Variants in NRXN3 observed in about 807,000 individuals in gnomAD.
NRXN3 encodes the protein neurexin III.
NRXN3 carries 32 observed loss-of-function variants against 137.6 expected under a neutral mutation model. The ratio of observed to expected loss-of-function variants is 0.23; its 90% CI spans 0.18 to 0.31. The LOEUF (loss-of-function observed/expected upper bound fraction) is 0.31, where lower values mean the gene tolerates loss of function less well. Among genes scored for constraint, NRXN3 ranks in the 10% least tolerant of loss-of-function variants. The pLI is 1.00. For missense variants in NRXN3, 1,574 were observed against 2,062.5 expected (o/e 0.76, Z 4.59); for synonymous variants, 798 against 784.5 (o/e 1.02, Z -0.29).
intron 15 of NRXN3, among the ~76,000 whole-genome samples, chr14:79,119,236 CTA>C (rs902229369): frequency 6.6e-6 from 1 of 151,986 alleles, no homozygotes; most frequent in African/African-American, 2.4e-5. Context: ...CATTATATCT[CTA>C]TGTGTTTTTG....
At chr14:79,095,136 C>T (rs2050067712) in intron 15 of NRXN3, among the ~76,000 whole-genome samples, 1 of 152,068 alleles carries the variant, frequency 6.6e-6, no homozygotes, top group Non-Finnish European at 1.5e-5. Flanking sequence ...GCTAATGTGG[C>T]TGTCCTCTGT....
intron 14 of NRXN3, among the ~76,000 whole-genome samples, chr14:78,980,188 TC>T (rs1468201955): frequency 6.6e-6 from 1 of 152,208 alleles, no homozygotes; most frequent in Non-Finnish European, 1.5e-5. Context: ...CCTCACCTGG[TC>T]CCCACTCCTG....
chr14:79,503,129 A>G (rs2096841073), intron 16 of NRXN3, among the ~76,000 whole-genome samples: 1 of 152,090 alleles, frequency 6.6e-6, no homozygotes, highest in Admixed American at 6.6e-5. Flanking sequence ...AAAATTTGAT[A>G]GTTACTTATC....
rs184296737 is a variant in NRXN3 at position 79,214,932 on chromosome 14, G to A, written c.3262+226791G>A. 1.9e-3 allele frequency among the ~76,000 whole-genome samples: 289 copies of A among 151,798 alleles called. 7 individuals carry two copies. The highest frequency in any genetic ancestry group is 0.018 in the Admixed American group (277 of 15,252). ...TCCTTCCTCCTCTTTTTCCTCTTCC[G>A]TACTTTCTCCAAATTCAGGAGGCAG... On this transcript the variant is annotated intron_variant, in intron 15 of 20. Coordinates refer to ENST00000335750, the MANE Select transcript of NRXN3 (RefSeq NM_001330195.2).
chr14:79,076,043 C>T (rs2045915780), intron 15 of NRXN3, among the ~76,000 whole-genome samples: 1 of 152,074 alleles, frequency 6.6e-6, no homozygotes, highest in Non-Finnish European at 1.5e-5. Context: ...TCAAGCACCT[C>T]GTGCAACTTT....
chr14:79,004,679 T>C (rs187751774), intron 15 of NRXN3, among the ~76,000 whole-genome samples: 3 of 152,306 alleles, frequency 2.0e-5, no homozygotes, highest in African/African-American at 7.2e-5. Context: ...CAAACTCCCT[T>C]ACAACTTCAA....
chr14:79,232,567 A>G (rs947947628), intron 15 of NRXN3, among the ~76,000 whole-genome samples: 2 of 152,120 alleles, frequency 1.3e-5, no homozygotes, highest in Non-Finnish European at 2.9e-5. Context: ...TCTTCCTACA[A>G]TTCGGTTACA....
At chr14:79,060,623 A>T (rs2099673022) in intron 15 of NRXN3, among the ~76,000 whole-genome samples, 1 of 152,226 alleles carries the variant, frequency 6.6e-6, no homozygotes, top group South Asian at 2.1e-4. Flanking sequence ...TGGTTTCAGA[A>T]TTAAAAAGAA....
At chr14:79,035,315 T>C (rs1207496288) in intron 15 of NRXN3, among the ~76,000 whole-genome samples, 1 of 152,118 alleles carries the variant, frequency 6.6e-6, no homozygotes, top group Non-Finnish European at 1.5e-5. Context: ...GTCCTTTTAA[T>C]AGGCCTCACT....
intron 4 of NRXN3, among the ~76,000 whole-genome samples, chr14:78,511,975 G>T (rs2096117275): frequency 6.6e-6 from 1 of 152,142 alleles, no homozygotes; most frequent in Admixed American, 6.5e-5. Context: ...GATAATTTTA[G>T]CAACTTCCTC....
intron 4 of NRXN3, among the ~76,000 whole-genome samples, chr14:78,494,055 T>C (rs1454818108): frequency 6.6e-6 from 1 of 152,184 alleles, no homozygotes; most frequent in Non-Finnish European, 1.5e-5. Context: ...CCCTTGGTCC[T>C]AGCCATTTTA....
At chr14:79,042,388 A>G (rs1370700917) in intron 15 of NRXN3, among the ~76,000 whole-genome samples, 2 of 152,212 alleles carry the variant, frequency 1.3e-5, no homozygotes, top group African/African-American at 4.8e-5. Context: ...TACTTAATGC[A>G]CGGTTTGCCT....
At position 79,097,472 on chromosome 14, in the gene NRXN3, A is replaced by C. The variant is rs374553796; in HGVS notation, c.3262+109331A>C. Among the ~76,000 whole-genome samples, 7 of 152,268 alleles carry C rather than the reference A, an allele frequency of 4.6e-5. 1 individual carries two copies. Among genetic ancestry groups the C allele is most frequent in the African/African-American group, 1.7e-4 (7 of 41,550 alleles). ...TCATCAGGTGCAGATTAGGAAATGA[A>C]TTTACATTAAGTTTCAAGAAAGAAT... On this transcript the variant is annotated intron_variant, in intron 15 of 20. Coordinates refer to ENST00000335750, the MANE Select transcript of NRXN3 (RefSeq NM_001330195.2).
chr14:79,334,999 G>A (rs1480137492), intron 15 of NRXN3, among the ~76,000 whole-genome samples: 2 of 152,124 alleles, frequency 1.3e-5, no homozygotes, highest in African/African-American at 4.8e-5. Context: ...TCCCAGCCTT[G>A]CCTGGCAGAC....
intron 4 of NRXN3, among the ~76,000 whole-genome samples, chr14:78,349,501 C>G (rs1208748553): frequency 2.0e-5 from 3 of 152,352 alleles, no homozygotes; most frequent in South Asian, 4.1e-4. Context: ...TCCACAATTT[C>G]TCCCACATGT....
At chr14:79,767,508 A>T (rs1345022750) in intron 19 of NRXN3, among the ~76,000 whole-genome samples, 4 of 152,182 alleles carry the variant, frequency 2.6e-5, no homozygotes, top group Admixed American at 2.0e-4. Flanking sequence ...TCAGTGACAC[A>T]TTTGTGTAAT....
At chr14:78,725,137 C>G (rs1260677687) in intron 8 of NRXN3, among the ~76,000 whole-genome samples, 1 of 152,210 alleles carries the variant, frequency 6.6e-6, no homozygotes, top group African/African-American at 2.4e-5. Flanking sequence ...CATGTTCCCC[C>G]TCTTTGTTTC....
At chr14:79,680,364 G>A (rs1229379963) in intron 17 of NRXN3, among the ~76,000 whole-genome samples, 6 of 152,132 alleles carry the variant, frequency 3.9e-5, no homozygotes, top group East Asian at 1.9e-4. Context: ...CAGCCTGGGC[G>A]ATGAGAGTGA....
chr14:78,425,941 C>T (rs1402559667), intron 4 of NRXN3, among the ~76,000 whole-genome samples: 1 of 152,180 alleles, frequency 6.6e-6, no homozygotes, highest in East Asian at 1.9e-4. Flanking sequence ...ACGTGAGTGG[C>T]CTGGGCACCT....
Sources: allele counts gnomAD v4.1 joint callset (sites outside exome capture counted in the v4.1 genomes callset), GRCh38; gene constraint gnomAD v4.1.1; transcripts MANE v1.5; gene names NCBI Gene and HGNC (gene_info 2026-07-23, HGNC 2026-07-21).